MAML3: variants seen among roughly 807,000 people sequenced by gnomAD.
The protein encoded by MAML3 is mastermind-like protein 3.
A neutral mutation model predicts 101.9 loss-of-function variants in MAML3; 27 were observed. That is an observed-to-expected ratio of 0.27 (90% CI 0.20 to 0.37). The LOEUF (loss-of-function observed/expected upper bound fraction) is 0.37, where lower values mean the gene tolerates loss of function less well. Ranked by LOEUF, MAML3 falls within the 10% of genes least tolerant of loss-of-function variation. MAML3 has a pLI of 1.00. For missense variants in MAML3, 1,316 were observed against 1,444.9 expected, an observed-to-expected ratio of 0.91 and a Z score of 1.45; for synonymous variants, 501 against 555.9, an observed-to-expected ratio of 0.90 and a Z score of 1.39.
At chr4:139,902,210 T>C (rs13151577) in intron 1 of MAML3, among the ~76,000 whole-genome samples, 129,272 of 152,018 alleles carry the variant, frequency 0.85, 55,346 homozygotes, top group South Asian at 0.91. Flanking sequence ...CATTCTCTCC[T>C]TCTCTCCTTC....
At chr4:139,824,679 G>A (rs949720348) in intron 2 of MAML3, among the ~76,000 whole-genome samples, 7 of 152,188 alleles carry the variant, frequency 4.6e-5, no homozygotes, top group Admixed American at 6.5e-5. Context: ...TAAGTATCAA[G>A]CAAGACTGTT....
chr4:140,104,618 G>A (rs911951596), intron 1 of MAML3, among the ~76,000 whole-genome samples: 3 of 148,716 alleles, frequency 2.0e-5, no homozygotes, highest in Non-Finnish European at 4.4e-5. Flanking sequence ...TCAGCCTCAC[G>A]AGAAGCTGGT....
chr4:140,130,295 T>A (rs917266002), intron 1 of MAML3, among the ~76,000 whole-genome samples: 1 of 152,224 alleles, frequency 6.6e-6, no homozygotes, highest in Non-Finnish European at 1.5e-5. Context: ...GCTTACAGAC[T>A]ATTGTTTGCA....
intron 1 of MAML3, among the ~76,000 whole-genome samples, chr4:139,992,523 C>T (rs1734700159): frequency 6.6e-6 from 1 of 151,954 alleles, no homozygotes; most frequent in Non-Finnish European, 1.5e-5. Context: ...TATTGTGTGT[C>T]TTTTTTTGTT....
At chr4:140,044,817 A>G (rs1413694137) in intron 1 of MAML3, among the ~76,000 whole-genome samples, 1 of 152,202 alleles carries the variant, frequency 6.6e-6, no homozygotes, top group Non-Finnish European at 1.5e-5. Flanking sequence ...TCATTCCACC[A>G]CAGACATATG....
chr4:139,826,441 G>C (rs1045748633), intron 2 of MAML3, among the ~76,000 whole-genome samples: 1 of 152,136 alleles, frequency 6.6e-6, no homozygotes, highest in African/African-American at 2.4e-5. Flanking sequence ...AAGCTTTTAT[G>C]AACACGAATC....
chr4:139,931,477 AG>A (rs1247488304), intron 1 of MAML3, among the ~76,000 whole-genome samples: 1 of 152,200 alleles, frequency 6.6e-6, no homozygotes, highest in Non-Finnish European at 1.5e-5. Context: ...ATGTTATTTT[AG>A]GTAATATTTA....
chr4:140,005,112 G>A (rs182200128), intron 1 of MAML3, among the ~76,000 whole-genome samples: 32 of 152,304 alleles, frequency 2.1e-4, no homozygotes, highest in African/African-American at 7.7e-4. Context: ...AATGCAGTGG[G>A]TTAACTCAGT....
intron 2 of MAML3, among the ~76,000 whole-genome samples, chr4:139,769,942 C>T (rs1729942867): frequency 7.3e-6 from 1 of 137,706 alleles, no homozygotes; most frequent in Non-Finnish European, 1.5e-5. Flanking sequence ...TTTTTAAAGA[C>T]ACAGTCTCCC....
At chr4:139,740,573 C>T (rs114728151) in intron 2 of MAML3, 10,064 of 152,196 alleles carry the variant, frequency 0.066, 618 homozygotes, top group Admixed American at 0.19. Flanking sequence ...TCCCCCAACC[C>T]GAGCCTTTCT....
intron 1 of MAML3, among the ~76,000 whole-genome samples, chr4:139,943,865 T>TTTTTTTTTTTTTTTTTTTC: frequency 2.5e-5 from 1 of 39,232 alleles, no homozygotes; most frequent in Non-Finnish European, 4.0e-5. Flanking sequence ...TAAAGACAAC[T>TTTTTTTTTTTTTTTTTTTC]TTTTTTTTTT....
intron 1 of MAML3, among the ~76,000 whole-genome samples, chr4:139,976,872 T>C (rs1050401398): frequency 1.3e-5 from 2 of 152,154 alleles, no homozygotes; most frequent in African/African-American, 4.8e-5. Context: ...TGGAGATAGT[T>C]TTCACGACTG....
intron 1 of MAML3, among the ~76,000 whole-genome samples, chr4:139,892,326 A>C (rs1732516410): frequency 6.6e-6 from 1 of 152,156 alleles, no homozygotes; most frequent in African/African-American, 2.4e-5. Flanking sequence ...CATTTATTCA[A>C]GTCAGATACT....
chr4:139,730,711 G>A (rs1286603406), intron 2 of MAML3, 44 bp from the exon 3 acceptor site: 1 of 1,551,866 alleles, frequency 6.4e-7, no homozygotes, highest in Admixed American at 1.8e-5. Flanking sequence ...TCCCCATAGA[G>A]ACTCACTGCT....
At chr4:139,822,903 T>C (rs1730999349) in intron 2 of MAML3, among the ~76,000 whole-genome samples, 1 of 152,244 alleles carries the variant, frequency 6.6e-6, no homozygotes, top group African/African-American at 2.4e-5. Flanking sequence ...AGAAATAGTT[T>C]GCGTGGTATC....
At chr4:140,008,878 G>A (rs902284242) in intron 1 of MAML3, among the ~76,000 whole-genome samples, 3 of 152,038 alleles carry the variant, frequency 2.0e-5, no homozygotes, top group African/African-American at 4.8e-5. Flanking sequence ...GTATTATTTC[G>A]CCACCACGAA....
intron 1 of MAML3, among the ~76,000 whole-genome samples, chr4:140,104,370 A>ATATATAATATATAATATATTATATAT: frequency 4.4e-5 from 1 of 22,544 alleles, no homozygotes; most frequent in African/African-American, 1.7e-4. Flanking sequence ...TTTTATATAT[A>ATATATAATATATAATATATTATATAT]TATATAATAT....
chr4:140,112,330 G>GC (rs925350201), intron 1 of MAML3, among the ~76,000 whole-genome samples: 1 of 151,792 alleles, frequency 6.6e-6, no homozygotes, highest in African/African-American at 2.4e-5. Context: ...TACTTTCCCT[G>GC]CCCCAGCCCA....
intron 1 of MAML3, among the ~76,000 whole-genome samples, chr4:139,953,876 C>A (rs994526758): frequency 6.6e-6 from 1 of 152,162 alleles, no homozygotes; most frequent in Non-Finnish European, 1.5e-5. Flanking sequence ...TTCATTCCAA[C>A]GGCGACAGGA....
Sources: allele counts gnomAD v4.1 joint callset (sites outside exome capture counted in the v4.1 genomes callset), GRCh38; gene constraint gnomAD v4.1.1; transcripts MANE v1.5; gene names NCBI Gene and HGNC (gene_info 2026-07-23, HGNC 2026-07-21).